Variants in TLN2 observed in about 807,000 individuals in gnomAD.
The protein encoded by TLN2 is talin 2, also known as talin-2.
TLN2 carries 118 observed loss-of-function variants against 294.7 expected under a neutral mutation model. The observed-to-expected ratio is 0.40, with a 90% CI of 0.34 to 0.47. The LOEUF (loss-of-function observed/expected upper bound fraction) is 0.47, where lower values mean the gene tolerates loss of function less well. TLN2 is among the 20% of genes least tolerant of loss of function. TLN2 has a pLI of 0.84. For synonymous variants in TLN2, 1,431 were observed against 1,304.5 expected, an observed-to-expected ratio of 1.10 and a Z score of -2.09; for missense variants, 3,083 against 3,282.2, an observed-to-expected ratio of 0.94 and a Z score of 1.48.
At chr15:62,615,263 A>C (rs2140836969) in intron 2 of TLN2, among the ~76,000 whole-genome samples, 1 of 152,366 alleles carries the variant, frequency 6.6e-6, no homozygotes, top group South Asian at 2.1e-4. Context: ...AGCAATGCAC[A>C]CAAAGCATTG....
At chr15:62,759,430 C>CCAAACAAA (rs56118016) in intron 37 of TLN2, among the ~76,000 whole-genome samples, 2 of 151,948 alleles carry the variant, frequency 1.3e-5, no homozygotes, top group East Asian at 1.9e-4. Context: ...AACAAAAGCC[C>CCAAACAAA]CAAACAAACA....
chr15:62,535,496 C>G (rs1254080110), intron 1 of TLN2, among the ~76,000 whole-genome samples: 1 of 151,712 alleles, frequency 6.6e-6, no homozygotes, highest in Non-Finnish European at 1.5e-5. Flanking sequence ...ACACACCCCT[C>G]TCTCTCCAGG....
intron 1 of TLN2, among the ~76,000 whole-genome samples, chr15:62,578,065 T>C (rs974115290): frequency 4.6e-5 from 7 of 152,262 alleles, no homozygotes; most frequent in Non-Finnish European, 8.8e-5. Context: ...GGTGTATATG[T>C]GCCGTATTTT....
intron 1 of TLN2, among the ~76,000 whole-genome samples, chr15:62,455,962 T>C (rs1414853980): frequency 1.2e-4 from 18 of 152,052 alleles, no homozygotes. Context: ...CCAGCCCTGC[T>C]CCTGGGGGTT....
intron 1 of TLN2, among the ~76,000 whole-genome samples, chr15:62,543,712 G>A (rs1334065835): frequency 2.1e-5 from 3 of 145,426 alleles, no homozygotes; most frequent in Admixed American, 7.0e-5. Context: ...CCAAGATCGT[G>A]CCACTGCACT....
Position 62,754,616 on chromosome 15 carries a change from C to G in TLN2, c.4476+700C>G, listed in dbSNP as rs182280328. 5.9e-5 allele frequency: 9 copies of G among 152,596 alleles called. No individual in the cohort carries two copies. The East Asian group carries it at 1.5e-3, about 26-fold the overall frequency. 9.5% of individuals were successfully genotyped at this position (152,596 alleles called of 1,614,324 possible). ...GTCTTGTTAGTGGCATGCCCACCAT[C>G]AACCTGGGGCCCACGTTCTTGAGGC... On this transcript the variant is annotated intron_variant, in intron 36 of 58. Transcript: ENST00000636159.
At chr15:62,638,082 G>A (rs1338012806) in intron 3 of TLN2, 1 of 155,792 alleles carries the variant, frequency 6.4e-6, no homozygotes, top group Admixed American at 6.2e-5. Flanking sequence ...AAAATGCTAT[G>A]TGTCCATTAA....
At chr15:62,672,760 C>G (rs1195072891) in intron 9 of TLN2, among the ~76,000 whole-genome samples, 1 of 152,034 alleles carries the variant, frequency 6.6e-6, no homozygotes, top group Admixed American at 6.5e-5. Context: ...TAGAACACCA[C>G]CTGGCCTAGG....
At chr15:62,797,156 T>C in intron 47 of TLN2, 63 bp from the exon 48 acceptor site, 1 of 1,580,066 alleles carries the variant, frequency 6.3e-7, no homozygotes. Flanking sequence ...TCTTTTCTTC[T>C]TGAAGTAATC....
intron 1 of TLN2, among the ~76,000 whole-genome samples, chr15:62,521,578 T>G (rs2040459885): frequency 6.6e-6 from 1 of 151,986 alleles, no homozygotes; most frequent in African/African-American, 2.4e-5. Flanking sequence ...AATGCTTGAG[T>G]TAAGATGAGG....
chr15:62,699,671 A>G (rs1457015841), intron 16 of TLN2, among the ~76,000 whole-genome samples: 2 of 152,120 alleles, frequency 1.3e-5, no homozygotes, highest in African/African-American at 2.4e-5. Context: ...TCCCCAGCCT[A>G]CTCAAACAGA....
intron 1 of TLN2, among the ~76,000 whole-genome samples, chr15:62,417,132 T>C (rs1226321780): frequency 6.6e-6 from 1 of 152,160 alleles, no homozygotes; most frequent in Non-Finnish European, 1.5e-5. Flanking sequence ...CACCTCCTCC[T>C]CCCCAAGGCA....
chr15:62,516,340 C>T (rs956006), intron 1 of TLN2, among the ~76,000 whole-genome samples: 39,819 of 152,082 alleles, frequency 0.26, 6,180 homozygotes, highest in Non-Finnish European at 0.33. Flanking sequence ...CATACAGCAT[C>T]CTTTCCTCTT....
intron 1 of TLN2, among the ~76,000 whole-genome samples, chr15:62,498,050 G>A (rs1661312): frequency 5.3e-5 from 8 of 150,892 alleles, no homozygotes; most frequent in African/African-American, 1.9e-4. Flanking sequence ...GAGTTCGAGA[G>A]CAGCCTGGGT....
At chr15:62,537,304 C>T (rs1596051336) in intron 1 of TLN2, among the ~76,000 whole-genome samples, 2 of 152,122 alleles carry the variant, frequency 1.3e-5, no homozygotes, top group South Asian at 2.1e-4. Flanking sequence ...CATGAGCCAC[C>T]GCGCCCGGCC....
At chr15:62,719,236 G>A (rs1169909154) in intron 24 of TLN2, among the ~76,000 whole-genome samples, 1 of 152,162 alleles carries the variant, frequency 6.6e-6, no homozygotes, top group Non-Finnish European at 1.5e-5. Flanking sequence ...CTTTCCCCTG[G>A]CTTTGGGCTT....
chr15:62,726,973 TG>T, intron 27 of TLN2, 113 bp from the exon 28 acceptor site: 2 of 1,077,646 alleles, frequency 1.9e-6, no homozygotes, highest in Non-Finnish European at 2.7e-6. Flanking sequence ...GTGCCATTGG[TG>T]GGAAAGAGCT....
At chr15:62,482,497 G>A (rs960681931) in intron 1 of TLN2, among the ~76,000 whole-genome samples, 3 of 151,366 alleles carry the variant, frequency 2.0e-5, no homozygotes, top group Non-Finnish European at 2.9e-5. Context: ...AGCTACTCAG[G>A]AGGGGGGAGG....
At chr15:62,444,223 T>A (rs1238102438) in intron 1 of TLN2, among the ~76,000 whole-genome samples, 1 of 152,176 alleles carries the variant, frequency 6.6e-6, no homozygotes, top group East Asian at 1.9e-4. Flanking sequence ...GGATGCTGCT[T>A]AGAGGGCAGG....
Sources: allele counts gnomAD v4.1 joint callset (sites outside exome capture counted in the v4.1 genomes callset), GRCh38; gene constraint gnomAD v4.1.1; transcripts MANE v1.5; gene names NCBI Gene and HGNC (gene_info 2026-07-23, HGNC 2026-07-21).